Variants in NALF1 observed in about 807,000 individuals in gnomAD.
The protein encoded by NALF1 is family with sequence similarity 155 member A.
NALF1 carries 3 observed loss-of-function variants against 48.4 expected under a neutral mutation model. The observed-to-expected ratio is 0.06, with a 90% CI of 0.03 to 0.16. NALF1 has a LOEUF of 0.16. Among genes scored for constraint, NALF1 ranks in the 10% least tolerant of loss-of-function variants. NALF1 has a pLI of 1.00. For synonymous variants in NALF1, 262 were observed against 245.7 expected, an observed-to-expected ratio of 1.07 and a Z score of -0.62; for missense variants, 526 against 571.5, an observed-to-expected ratio of 0.92 and a Z score of 0.81.
intron 1 of NALF1, among the ~76,000 whole-genome samples, chr13:107,641,990 C>A (rs1880170372): frequency 6.6e-6 from 1 of 152,140 alleles, no homozygotes; most frequent in Admixed American, 6.6e-5. Flanking sequence ...TTCCAGGTGA[C>A]TGCAATGTGC....
In NALF1 at chr13:107,725,286, C is replaced by T. The variant is rs200526743; in HGVS notation, c.915+140396G>A. Among the ~76,000 whole-genome samples, 34 of 152,200 alleles carry T rather than the reference C, an allele frequency of 2.2e-4. No homozygotes were observed. In the East Asian group the frequency reaches 6.6e-3, roughly 29 times the overall value. On this transcript the variant is annotated intron_variant, in intron 1 of 2. Transcript: ENST00000375915. ...ATTAGTTTTGTGGACTACATTTTAA[C>T]CTACTAAACTTTTTTTAAAATTCTA...
intron 1 of NALF1, among the ~76,000 whole-genome samples, chr13:107,606,573 C>T (rs1645268338): frequency 6.6e-6 from 1 of 152,024 alleles, no homozygotes; most frequent in African/African-American, 2.4e-5. Flanking sequence ...ACCATGTTGG[C>T]CAGGCTGGTT....
chr13:107,173,901 G>T (rs1878856630), intron 2 of NALF1, among the ~76,000 whole-genome samples: 1 of 152,106 alleles, frequency 6.6e-6, no homozygotes, highest in South Asian at 2.1e-4. Flanking sequence ...TACCTCTGCT[G>T]TTAATATTTC....
intron 1 of NALF1, among the ~76,000 whole-genome samples, chr13:107,772,869 T>C (rs551295575): frequency 1.3e-5 from 2 of 152,214 alleles, no homozygotes; most frequent in Non-Finnish European, 2.9e-5. Flanking sequence ...TTTAAAATTC[T>C]GTATAAAATC....
At chr13:107,841,742 C>T (rs1880047888) in intron 1 of NALF1, among the ~76,000 whole-genome samples, 1 of 151,470 alleles carries the variant, frequency 6.6e-6, no homozygotes, top group Non-Finnish European at 1.5e-5. Flanking sequence ...TTTACACTGC[C>T]GTAGGGAAAG....
intron 1 of NALF1, among the ~76,000 whole-genome samples, chr13:107,439,593 C>T (rs1346172987): frequency 2.6e-5 from 4 of 152,134 alleles, no homozygotes; most frequent in Non-Finnish European, 4.4e-5. Flanking sequence ...CAATATTGTC[C>T]CATCCCCTTT....
At chr13:107,681,875 A>G (rs1460233656) in intron 1 of NALF1, among the ~76,000 whole-genome samples, 2 of 152,198 alleles carry the variant, frequency 1.3e-5, no homozygotes, top group East Asian at 1.9e-4. Flanking sequence ...GAAATGACAG[A>G]GTGGCCTCGT....
At chr13:107,220,614 G>C (rs1879971878) in intron 1 of NALF1, among the ~76,000 whole-genome samples, 1 of 152,222 alleles carries the variant, frequency 6.6e-6, no homozygotes, top group Non-Finnish European at 1.5e-5. Context: ...TTGGGGAGCA[G>C]AGGTGTAGGG....
At chr13:107,359,733 G>C (rs1444828822) in intron 1 of NALF1, among the ~76,000 whole-genome samples, 7 of 151,630 alleles carry the variant, frequency 4.6e-5, no homozygotes, top group African/African-American at 1.7e-4. Context: ...TTTTAAGTGG[G>C]GTCTAAATCA....
chr13:107,651,318 T>C (rs1465562679), intron 1 of NALF1, among the ~76,000 whole-genome samples: 1 of 152,162 alleles, frequency 6.6e-6, no homozygotes, highest in Non-Finnish European at 1.5e-5. Flanking sequence ...ATGCCAGGGA[T>C]GCTTTAAAAC....
At chr13:107,596,585 A>G (rs1252786482) in intron 1 of NALF1, among the ~76,000 whole-genome samples, 1 of 152,090 alleles carries the variant, frequency 6.6e-6, no homozygotes, top group Non-Finnish European at 1.5e-5. Context: ...AAAACCAAAC[A>G]CTGCATGTTC....
At chr13:107,630,046 C>G (rs961488104) in intron 1 of NALF1, among the ~76,000 whole-genome samples, 1 of 152,100 alleles carries the variant, frequency 6.6e-6, no homozygotes, top group African/African-American at 2.4e-5. Flanking sequence ...TGGATAGACT[C>G]TCTTCGCCTA....
chr13:107,864,198 A>T (rs1404990465), intron 1 of NALF1, among the ~76,000 whole-genome samples: 4 of 152,210 alleles, frequency 2.6e-5, no homozygotes, highest in South Asian at 2.1e-4. Context: ...AAAAATAGAT[A>T]AAAAAGTTTA....
intron 1 of NALF1, among the ~76,000 whole-genome samples, chr13:107,504,883 C>T (rs1875645373): frequency 6.6e-6 from 1 of 152,178 alleles, no homozygotes; most frequent in South Asian, 2.1e-4. Context: ...TCTGTCTACT[C>T]AACAAATATT....
At chr13:107,292,835 AGAGGC>A (rs1243029362) in intron 1 of NALF1, among the ~76,000 whole-genome samples, 1 of 152,236 alleles carries the variant, frequency 6.6e-6, no homozygotes, top group Non-Finnish European at 1.5e-5. Context: ...GTATATAATT[AGAGGC>A]ACTAGACTTT....
At chr13:107,704,085 T>C (rs1441436519) in intron 1 of NALF1, among the ~76,000 whole-genome samples, 2 of 152,190 alleles carry the variant, frequency 1.3e-5, no homozygotes, top group African/African-American at 4.8e-5. Flanking sequence ...CTGTTCTCAA[T>C]GCATGTAAAC....
At chr13:107,822,676 C>A (rs1404464713) in intron 1 of NALF1, among the ~76,000 whole-genome samples, 1 of 152,180 alleles carries the variant, frequency 6.6e-6, no homozygotes, top group Non-Finnish European at 1.5e-5. Flanking sequence ...CTTTTTATAA[C>A]CTACTTCACG....
intron 1 of NALF1, among the ~76,000 whole-genome samples, chr13:107,581,727 A>G (rs528105583): frequency 6.6e-6 from 1 of 152,312 alleles, no homozygotes; most frequent in South Asian, 2.1e-4. Context: ...AGCAAATGGC[A>G]TCTATTACAA....
chr13:107,650,213 G>C (rs7334026), intron 1 of NALF1, among the ~76,000 whole-genome samples: 73 of 151,830 alleles, frequency 4.8e-4, no homozygotes, highest in Non-Finnish European at 8.1e-4. Flanking sequence ...CCCCCAAGTC[G>C]ATAGTGCCTG....
Sources: gnomAD v4.1 joint callset for allele counts (sites outside exome capture counted in the v4.1 genomes callset) on GRCh38, gnomAD v4.1.1 for gene constraint, MANE v1.5 for transcripts, NCBI Gene and HGNC (gene_info 2026-07-23, HGNC 2026-07-21) for gene names.